The following GUCY1A2 variants were observed in gnomAD, a reference collection of about 807,000 sequenced individuals.
GUCY1A2 encodes guanylate cyclase 1 soluble subunit alpha 2.
In GUCY1A2, 27 loss-of-function variants were observed where a neutral mutation model predicts 63.5. The ratio of observed to expected loss-of-function variants is 0.43; its 90% CI spans 0.31 to 0.59. The LOEUF (loss-of-function observed/expected upper bound fraction) is 0.59, where lower values mean the gene tolerates loss of function less well. Among genes scored for constraint, GUCY1A2 ranks in the 20% least tolerant of loss-of-function variants. The pLI is 0.11. For missense variants in GUCY1A2, 768 were observed against 913.3 expected, an observed-to-expected ratio of 0.84 and a Z score of 2.05; for synonymous variants, 364 against 343.5, an observed-to-expected ratio of 1.06 and a Z score of -0.66.
intron 4 of GUCY1A2, among the ~76,000 whole-genome samples, chr11:106,851,553 C>T (rs973823567): frequency 6.6e-6 from 1 of 151,906 alleles, no homozygotes; most frequent in African/African-American, 2.4e-5. Flanking sequence ...AGTCTACTTT[C>T]ATTCTTTTGC....
At chr11:106,791,534 A>T (rs1864660284) in intron 5 of GUCY1A2, among the ~76,000 whole-genome samples, 1 of 118,784 alleles carries the variant, frequency 8.4e-6, no homozygotes, top group East Asian at 2.3e-4. Context: ...TGTCCCTGTG[A>T]AGGAGACAGT....
At chr11:106,818,857 GC>G (rs1858864412) in intron 4 of GUCY1A2, among the ~76,000 whole-genome samples, 1 of 152,110 alleles carries the variant, frequency 6.6e-6, no homozygotes, top group African/African-American at 2.4e-5. Flanking sequence ...ATTCTGTTTA[GC>G]CAAAGCCTAA....
chr11:106,802,646 C>G (rs2135419769), intron 5 of GUCY1A2, among the ~76,000 whole-genome samples: 1 of 152,202 alleles, frequency 6.6e-6, no homozygotes, highest in Non-Finnish European at 1.5e-5. Flanking sequence ...GTTATGGAGG[C>G]TGGAAAGTCC....
chr11:106,846,072 G>T (rs1373843672), intron 4 of GUCY1A2, among the ~76,000 whole-genome samples: 1 of 151,494 alleles, frequency 6.6e-6, no homozygotes, highest in East Asian at 1.9e-4. Flanking sequence ...TCTAAAAAAT[G>T]TTAACATCAG....
chr11:106,712,672 C>T (rs1269501461), intron 6 of GUCY1A2, among the ~76,000 whole-genome samples: 1 of 152,072 alleles, frequency 6.6e-6, no homozygotes, highest in Non-Finnish European at 1.5e-5. Flanking sequence ...CCTTTCAAGT[C>T]TTGCTTTTAA....
At chr11:106,692,676 G>A (rs78181787) in intron 7 of GUCY1A2, among the ~76,000 whole-genome samples, 469 of 152,272 alleles carry the variant, frequency 3.1e-3, no homozygotes, top group African/African-American at 0.011. Flanking sequence ...AGTGAGTTCA[G>A]CAGTCAACTG....
intron 3 of GUCY1A2, among the ~76,000 whole-genome samples, chr11:106,963,727 T>C (rs1861089564): frequency 6.6e-6 from 1 of 152,202 alleles, no homozygotes. Context: ...TAGGAATTTA[T>C]AGCAGCATAA....
chr11:106,899,350 A>G (rs1011202943), intron 4 of GUCY1A2, among the ~76,000 whole-genome samples: 2 of 152,186 alleles, frequency 1.3e-5, no homozygotes, highest in Non-Finnish European at 2.9e-5. Flanking sequence ...GAAATAATAG[A>G]GTCTAAAGAA....
At chr11:106,795,731 T>C (rs1010715815) in intron 5 of GUCY1A2, among the ~76,000 whole-genome samples, 2 of 152,196 alleles carry the variant, frequency 1.3e-5, no homozygotes, top group African/African-American at 4.8e-5. Context: ...TAAATTCTCA[T>C]CTTTCCACTT....
At chr11:106,733,542 C>G (rs1026259489) in intron 6 of GUCY1A2, among the ~76,000 whole-genome samples, 12 of 152,122 alleles carry the variant, frequency 7.9e-5, no homozygotes. Context: ...AAAGTAATTA[C>G]TTTTTATTAA....
intron 4 of GUCY1A2, among the ~76,000 whole-genome samples, chr11:106,846,185 G>GA (rs971688566): frequency 1.4e-5 from 2 of 148,140 alleles, no homozygotes; most frequent in African/African-American, 5.0e-5. Context: ...AAATTGTTGA[G>GA]AAAATTGGGA....
intron 4 of GUCY1A2, among the ~76,000 whole-genome samples, chr11:106,910,326 T>C (rs1375097194): frequency 6.6e-6 from 1 of 152,072 alleles, no homozygotes; most frequent in Non-Finnish European, 1.5e-5. Context: ...AACAATATTA[T>C]AACATCCCCT....
chr11:106,726,510 T>A (rs1045937895), intron 6 of GUCY1A2, among the ~76,000 whole-genome samples: 1 of 152,154 alleles, frequency 6.6e-6, no homozygotes, highest in African/African-American at 2.4e-5. Flanking sequence ...CATTGGCAGA[T>A]TGTATTTCTG....
chr11:106,851,928 A>C (rs1457556771), intron 4 of GUCY1A2, among the ~76,000 whole-genome samples: 1 of 151,880 alleles, frequency 6.6e-6, no homozygotes, highest in African/African-American at 2.4e-5. Flanking sequence ...TCAATCTGAA[A>C]ATTTTGGGGG....
intron 1 of GUCY1A2, among the ~76,000 whole-genome samples, chr11:107,013,741 C>G (rs76823460): frequency 0.041 from 6,313 of 152,134 alleles, 167 homozygotes; most frequent in East Asian, 0.091. Flanking sequence ...ATTATTATGG[C>G]TGCACCCCAG....
chr11:106,816,794 C>G (rs1240714105), intron 4 of GUCY1A2, among the ~76,000 whole-genome samples: 3 of 151,214 alleles, frequency 2.0e-5, no homozygotes, highest in Non-Finnish European at 4.4e-5. Flanking sequence ...ATAGACATTA[C>G]AAGAATAATA....
At chr11:106,771,355 A>C (rs1045789820) in intron 6 of GUCY1A2, among the ~76,000 whole-genome samples, 2 of 152,244 alleles carry the variant, frequency 1.3e-5, no homozygotes, top group African/African-American at 2.4e-5. Context: ...AGAGAACTAA[A>C]GTAATACATT....
At chr11:106,923,145 G>A (rs946666238) in intron 4 of GUCY1A2, among the ~76,000 whole-genome samples, 7 of 152,104 alleles carry the variant, frequency 4.6e-5, no homozygotes, top group Non-Finnish European at 8.8e-5. Flanking sequence ...GAGAAATATT[G>A]TTTAAGTAAT....
At chr11:106,761,418 C>A (rs1054046146) in intron 6 of GUCY1A2, among the ~76,000 whole-genome samples, 9 of 151,956 alleles carry the variant, frequency 5.9e-5, no homozygotes, top group Non-Finnish European at 8.8e-5. Flanking sequence ...TTCAGTAAAG[C>A]AAAAAGGGTG....
Sources: allele counts gnomAD v4.1 joint callset (sites outside exome capture counted in the v4.1 genomes callset), GRCh38; gene constraint gnomAD v4.1.1; transcripts MANE v1.5; gene names NCBI Gene and HGNC (gene_info 2026-07-23, HGNC 2026-07-21).